The following HEMK2 variants were observed in gnomAD, a reference collection of about 807,000 sequenced individuals.
HEMK2 encodes the protein methyltransferase HEMK2.
At chr21:28,773,218 A>G in the HEMK2 span, among the ~76,000 whole-genome samples, 2 of 152,184 alleles carry the variant, frequency 1.3e-5, no homozygotes, top group Non-Finnish European at 1.5e-5. Context: ...CCACAGTCCA[A>G]GTAGGTGAAT....
the HEMK2 span, among the ~76,000 whole-genome samples, chr21:28,726,552 T>C: frequency 6.6e-6 from 1 of 152,208 alleles, no homozygotes. Flanking sequence ...TAGCAGTGTC[T>C]TTCACTTCTT....
the HEMK2 span, among the ~76,000 whole-genome samples, chr21:28,721,547 A>T: frequency 1.4e-3 from 218 of 152,072 alleles, 1 homozygote; most frequent in African/African-American, 4.8e-3. Context: ...GCTTATATGG[A>T]CTGCATTGTG....
the HEMK2 span, among the ~76,000 whole-genome samples, chr21:28,645,693 G>A: frequency 7.2e-5 from 11 of 152,244 alleles, no homozygotes; most frequent in African/African-American, 1.9e-4. Flanking sequence ...AGTTGATCAG[G>A]TCATGAGGTC....
At chr21:28,629,872 GT>G in the HEMK2 span, among the ~76,000 whole-genome samples, 2 of 152,104 alleles carry the variant, frequency 1.3e-5, no homozygotes, top group East Asian at 3.9e-4. Flanking sequence ...TAGTCCACTG[GT>G]CCAGAGGGAA....
At chr21:28,857,367 A>G in the HEMK2 span, among the ~76,000 whole-genome samples, 2 of 152,222 alleles carry the variant, frequency 1.3e-5, no homozygotes, top group Non-Finnish European at 2.9e-5. Flanking sequence ...CAATGAACAT[A>G]TACAAGAAAG....
At chr21:28,823,178 T>C in the HEMK2 span, among the ~76,000 whole-genome samples, 1 of 152,188 alleles carries the variant, frequency 6.6e-6, no homozygotes, top group Non-Finnish European at 1.5e-5. Context: ...TTTTGGCCTT[T>C]TGCTGCAAAC....
chr21:28,607,327 C>A, the HEMK2 span, among the ~76,000 whole-genome samples: 1 of 151,972 alleles, frequency 6.6e-6, no homozygotes, highest in Non-Finnish European at 1.5e-5. Context: ...AAGAGACTTG[C>A]GTGAACCTGA....
chr21:28,837,859 T>C, the HEMK2 span, among the ~76,000 whole-genome samples: 1 of 151,992 alleles, frequency 6.6e-6, no homozygotes, highest in Non-Finnish European at 1.5e-5. Flanking sequence ...ACAGGAGATA[T>C]TACAACTGAC....
At chr21:28,649,346 TTAAGAAA>T in the HEMK2 span, among the ~76,000 whole-genome samples, 1 of 152,116 alleles carries the variant, frequency 6.6e-6, no homozygotes. Flanking sequence ...TCTGACCCGA[TTAAGAAA>T]TAAGTATAGG....
the HEMK2 span, among the ~76,000 whole-genome samples, chr21:28,681,565 T>C: frequency 2.8e-4 from 42 of 152,116 alleles, no homozygotes; most frequent in Non-Finnish European, 4.7e-4. Flanking sequence ...AAAGTTCATA[T>C]GGACCAAAAA....
chr21:28,599,038 T>C, the HEMK2 span, among the ~76,000 whole-genome samples: 1 of 152,158 alleles, frequency 6.6e-6, no homozygotes, highest in East Asian at 1.9e-4. Flanking sequence ...TTGCAAAGAA[T>C]CCTAAAGTTT....
the HEMK2 span, among the ~76,000 whole-genome samples, chr21:28,829,153 G>A: frequency 2.0e-5 from 3 of 152,194 alleles, no homozygotes; most frequent in African/African-American, 7.2e-5. Context: ...AAGATGGACT[G>A]CAGCTGTCTC....
At chr21:28,858,484 T>A in the HEMK2 span, among the ~76,000 whole-genome samples, 5 of 152,260 alleles carry the variant, frequency 3.3e-5, no homozygotes, top group African/African-American at 4.8e-5. Flanking sequence ...GGAGACTTGC[T>A]TATAGATCAC....
At chr21:28,694,997 CAA>C in the HEMK2 span, among the ~76,000 whole-genome samples, 36 of 109,956 alleles carry the variant, frequency 3.3e-4, no homozygotes, top group Admixed American at 1.9e-4. Context: ...GACTCTGTCT[CAA>C]AAAAAAAAAA....
the HEMK2 span, among the ~76,000 whole-genome samples, chr21:28,620,747 C>T: frequency 7.2e-6 from 1 of 139,428 alleles, no homozygotes; most frequent in African/African-American, 2.7e-5. Context: ...AATCGGGGCT[C>T]ACTGCAACCT....
At chr21:28,665,371 C>CTTTTTTTTTTTTTTTTT in the HEMK2 span, among the ~76,000 whole-genome samples, 1 of 15,914 alleles carries the variant, frequency 6.3e-5, no homozygotes. Context: ...TTTTAATTTT[C>CTTTTTTTTTTTTTTTTT]TTTTTTTTTT....
At chr21:28,607,456 T>C in the HEMK2 span, among the ~76,000 whole-genome samples, 1 of 151,980 alleles carries the variant, frequency 6.6e-6, no homozygotes, top group African/African-American at 2.4e-5. Context: ...AATAAATAAA[T>C]AAAATGTTGT....
At chr21:28,641,724 C>T in the HEMK2 span, among the ~76,000 whole-genome samples, 2 of 152,318 alleles carry the variant, frequency 1.3e-5, no homozygotes, top group Admixed American at 6.5e-5. Flanking sequence ...TTTTTGCACA[C>T]ATAAGTGAAG....
the HEMK2 span, among the ~76,000 whole-genome samples, chr21:28,756,426 T>C: frequency 6.6e-6 from 1 of 152,176 alleles, no homozygotes; most frequent in Non-Finnish European, 1.5e-5. Context: ...CTCTACTTCA[T>C]TCCATGTAGA....
Sources: gnomAD v4.1 joint callset for allele counts (sites outside exome capture counted in the v4.1 genomes callset) on GRCh38, gnomAD v4.1.1 for gene constraint, MANE v1.5 for transcripts, NCBI Gene and HGNC (gene_info 2026-07-23, HGNC 2026-07-21) for gene names.